The following KPNA1 variants were observed in gnomAD, a reference collection of about 807,000 sequenced individuals.
The protein encoded by KPNA1 is importin subunit alpha-5.
In KPNA1, 10 loss-of-function variants were observed where a neutral mutation model predicts 70.5. That is an observed-to-expected ratio of 0.14 (90% CI 0.09 to 0.24). KPNA1 has a LOEUF of 0.24. Ranked by LOEUF, KPNA1 falls within the 10% of genes least tolerant of loss-of-function variation. KPNA1 has a pLI of 1.00. For synonymous variants in KPNA1, 192 were observed against 221.9 expected (o/e 0.87, Z 1.20); for missense variants, 397 against 637.9 (o/e 0.62, Z 4.07).
intron 2 of KPNA1, among the ~76,000 whole-genome samples, chr3:122,492,311 T>C (rs969543434): frequency 1.6e-4 from 24 of 152,174 alleles, no homozygotes; most frequent in African/African-American, 5.8e-4. Flanking sequence ...TGTGAGAAGA[T>C]CTTGGTTCTA....
At chr3:122,473,545 C>A (rs2076466035) in intron 2 of KPNA1, among the ~76,000 whole-genome samples, 1 of 152,088 alleles carries the variant, frequency 6.6e-6, no homozygotes, top group South Asian at 2.1e-4. Flanking sequence ...GGATTTATCC[C>A]AGGTGTAAAT....
intron 2 of KPNA1, among the ~76,000 whole-genome samples, chr3:122,467,978 C>G (rs924589696): frequency 1.3e-5 from 2 of 152,136 alleles, no homozygotes; most frequent in African/African-American, 4.8e-5. Context: ...CTAGTTCTCT[C>G]CAAAGTCAGC....
intron 9 of KPNA1, among the ~76,000 whole-genome samples, chr3:122,445,669 A>G (rs2076127415): frequency 6.6e-6 from 1 of 152,224 alleles, no homozygotes; most frequent in African/African-American, 2.4e-5. Context: ...CACACATAAC[A>G]ATAATAACCT....
In KPNA1 at chr3:122,452,210, A is replaced by T. The variant is rs1376878144; in HGVS notation, c.565-146T>A. 4.2e-6 allele frequency: 3 copies of T among 722,754 alleles called. No homozygotes were observed. In the South Asian group the frequency reaches 4.7e-5, roughly 11 times the overall value. The allele number at this position is 722,754 out of a possible 1,614,324, so 44.8% of individuals were successfully genotyped here. A position where few individuals can be genotyped will look rare whatever the true frequency, so the allele number is the denominator to read the frequency against. ...GGGGGAGGAAGATAAATAATATCCT[A>T]AAGTGTACAACAAACAGAAGGTATT... On this transcript the variant is annotated intron_variant, in intron 6 of 13. Transcript: ENST00000344337.
In KPNA1 at chr3:122,449,612, G is replaced by A. The variant is rs771914441; in HGVS notation, c.879C>T (p.Ile293=). ...DGPNDKIQAV[I]DAGVCRRLVE... is the part of the protein sequence containing the mutation. ...CAAGTCTCCTACATACTCCCGCATC[G>A]ATGACCGCTTGAATTTTATCATTGG... Residue 293 remains isoleucine, a synonymous_variant, in exon 9 of 14, where the codon ATC becomes ATT. Transcript: ENST00000344337. The A allele has an allele frequency of 2.7e-5, 44 of 1,613,632 alleles. No individual in the cohort carries two copies. The highest frequency in any genetic ancestry group is 1.6e-4 in the Middle Eastern group (1 of 6,084).
At chr3:122,506,336 G>C (rs553265321) in intron 1 of KPNA1, among the ~76,000 whole-genome samples, 3 of 152,208 alleles carry the variant, frequency 2.0e-5, no homozygotes, top group Non-Finnish European at 4.4e-5. Flanking sequence ...AAGAAAGTAT[G>C]ACTACAAAAA....
chr3:122,462,045 G>C (rs1244131353), intron 4 of KPNA1, among the ~76,000 whole-genome samples: 1 of 152,136 alleles, frequency 6.6e-6, no homozygotes, highest in East Asian at 1.9e-4. Flanking sequence ...GTGACTAATG[G>C]TTCAATGTTC....
At chr3:122,451,141 T>C (rs1028501590) in intron 8 of KPNA1, among the ~76,000 whole-genome samples, 3 of 151,088 alleles carry the variant, frequency 2.0e-5, no homozygotes, top group African/African-American at 4.9e-5. Context: ...CAAAAACCTA[T>C]TGGAAAAAAA....
At chr3:122,435,757 A>G (rs564660180) in intron 11 of KPNA1, among the ~76,000 whole-genome samples, 2 of 152,322 alleles carry the variant, frequency 1.3e-5, no homozygotes, top group Admixed American at 6.5e-5. Context: ...TCCCCAATCA[A>G]TACTCTTATA....
intron 12 of KPNA1, among the ~76,000 whole-genome samples, chr3:122,428,296 T>C (rs1257842782): frequency 2.6e-5 from 4 of 152,200 alleles, no homozygotes; most frequent in Non-Finnish European, 2.9e-5. Flanking sequence ...TCACAGTAAA[T>C]AGTCATGTCA....
At chr3:122,433,060 CAG>C (rs1003559581) in intron 12 of KPNA1, 2 of 152,342 alleles carry the variant, frequency 1.3e-5, no homozygotes, top group African/African-American at 2.4e-5. Context: ...GCCTGGGCAA[CAG>C]AGAGACTCCA....
intron 1 of KPNA1, among the ~76,000 whole-genome samples, chr3:122,501,894 C>T (rs1402623331): frequency 1.1e-4 from 17 of 152,100 alleles, no homozygotes; most frequent in Admixed American, 9.8e-4. Flanking sequence ...TGCATATATC[C>T]TAGGACCATT....
intron 8 of KPNA1, among the ~76,000 whole-genome samples, chr3:122,451,068 C>T (rs1455208321): frequency 6.6e-6 from 1 of 151,892 alleles, no homozygotes; most frequent in Non-Finnish European, 1.5e-5. Flanking sequence ...GTGTTGGGTG[C>T]ACCAAAATCT....
intron 9 of KPNA1, among the ~76,000 whole-genome samples, chr3:122,445,370 AAG>A (rs1382491650): frequency 6.6e-6 from 1 of 152,196 alleles, no homozygotes; most frequent in Non-Finnish European, 1.5e-5. Context: ...GAGTAAAAAG[AAG>A]AGTTTTCAAA....
intron 9 of KPNA1, among the ~76,000 whole-genome samples, chr3:122,448,789 T>C (rs890440959): frequency 2.0e-5 from 3 of 151,652 alleles, no homozygotes; most frequent in Admixed American, 2.0e-4. Flanking sequence ...TATATAGTAG[T>C]CTAGTGACTA....
intron 1 of KPNA1, 97 bp from the exon 2 acceptor site, chr3:122,496,667 T>G: frequency 9.0e-7 from 1 of 1,115,638 alleles, no homozygotes; most frequent in African/African-American, 1.6e-5. Context: ...CCCAGACATA[T>G]CCCAAAGGGA....
chr3:122,501,477 G>T (rs372600852), intron 1 of KPNA1, among the ~76,000 whole-genome samples: 54 of 152,118 alleles, frequency 3.5e-4, no homozygotes, highest in African/African-American at 1.2e-3. Flanking sequence ...GGACCCATCA[G>T]TTATTTAGGA....
chr3:122,508,025 C>T (rs746204457), intron 1 of KPNA1, among the ~76,000 whole-genome samples: 2 of 151,994 alleles, frequency 1.3e-5, no homozygotes, highest in African/African-American at 4.8e-5. Flanking sequence ...AATAGGCACA[C>T]AGTGGTCATT....
chr3:122,495,709 C>CTTG (rs761254392), intron 2 of KPNA1, among the ~76,000 whole-genome samples: 4 of 135,070 alleles, frequency 3.0e-5, no homozygotes, highest in Non-Finnish European at 1.6e-5. Flanking sequence ...CCTTCAGGCT[C>CTTG]CAAAGTCTCT....
Sources: gnomAD v4.1 joint callset for allele counts (sites outside exome capture counted in the v4.1 genomes callset) on GRCh38, gnomAD v4.1.1 for gene constraint, MANE v1.5 for transcripts, NCBI Gene and HGNC (gene_info 2026-07-23, HGNC 2026-07-21) for gene names.